The following ATF7IP variants were observed in gnomAD, a reference collection of about 807,000 sequenced individuals.
ATF7IP encodes the protein activating transcription factor 7-interacting protein 1.
A neutral mutation model predicts 106.4 loss-of-function variants in ATF7IP; 23 were observed. That is an observed-to-expected ratio of 0.22 (90% CI 0.16 to 0.31). The LOEUF (loss-of-function observed/expected upper bound fraction) is 0.31, where lower values mean the gene tolerates loss of function less well. Ranked by LOEUF, ATF7IP falls within the 10% of genes least tolerant of loss-of-function variation. The pLI is 1.00. For missense variants in ATF7IP, 1,334 were observed against 1,524.3 expected (o/e 0.88, Z 2.08); for synonymous variants, 542 against 539.0 (o/e 1.01, Z -0.08).
At chr12:14,402,127 C>CTTTTTTTTTTTTT (rs11297116) in intron 1 of ATF7IP, among the ~76,000 whole-genome samples, 5 of 101,870 alleles carry the variant, frequency 4.9e-5, no homozygotes, top group Non-Finnish European at 5.8e-5. Context: ...TTTCTTCTTT[C>CTTTTTTTTTTTTT]TTTTTTTTTT....
Position 14,498,913 on chromosome 12 carries a change from C to G in ATF7IP, c.*840C>G, listed in dbSNP as rs1032251024. On this transcript the variant is annotated 3_prime_UTR_variant, in exon 15 of 15. Transcript: ENST00000261168. Reference sequence around the variant, plus strand: ...CCAGGCTAGAGTGCGGTGGCACAATCTTGGCTCACTGCAACCTCTGCCTCC... The same window carrying G: ...CCAGGCTAGAGTGCGGTGGCACAATGTTGGCTCACTGCAACCTCTGCCTCC... The G allele has an allele frequency of 6.6e-6, 1 of 152,108 alleles. No homozygotes were observed. Among genetic ancestry groups the G allele is most frequent in the African/African-American group, 2.4e-5 (1 of 41,220 alleles). 9.4% of individuals were successfully genotyped at this position (152,108 alleles called of 1,614,324 possible).
In ATF7IP at chr12:14,436,183, G is replaced by A; in HGVS notation, c.1723G>A (p.Glu575Lys). ...VQSKRRRYMEEEYEAEFQVKI... is the reference protein window; with the variant it reads ...VQSKRRRYMEKEYEAEFQVKI... ...GTCTAAACGTCGTCGATATATGGAA[G>A]AAGAATATGAGGCAGAATTTCAAGT... Residue 575 changes from glutamate (E) to lysine (K), a missense_variant, in exon 4 of 15, where the codon GAA (glutamate) becomes AAA (lysine). Coordinates refer to ENST00000261168, the MANE Select transcript of ATF7IP (RefSeq NM_018179.5). 1 of 1,613,722 alleles carries A rather than the reference G, an allele frequency of 6.2e-7. No homozygotes were observed. Among genetic ancestry groups the A allele is most frequent in the South Asian group, 1.1e-5 (1 of 91,066 alleles).
chr12:14,390,705 A>G (rs1591777071), intron 1 of ATF7IP, among the ~76,000 whole-genome samples: 1 of 152,264 alleles, frequency 6.6e-6, no homozygotes, highest in Admixed American at 6.5e-5. Context: ...CGTACACTAG[A>G]TTAGATAATG....
intron 1 of ATF7IP, chr12:14,369,005 A>T (rs1170918448): frequency 6.6e-6 from 1 of 151,698 alleles, no homozygotes; most frequent in Non-Finnish European, 1.5e-5. Context: ...GCTAAAGTGC[A>T]GTGGCAGTGA....
intron 1 of ATF7IP, chr12:14,385,067 G>C (rs184984703): frequency 3.8e-6 from 1 of 261,148 alleles, no homozygotes. Context: ...ATTGCAAGAC[G>C]GGATTCACAG....
chr12:14,423,212 T>G (rs759983007), intron 1 of ATF7IP, among the ~76,000 whole-genome samples: 2 of 152,180 alleles, frequency 1.3e-5, no homozygotes, highest in Non-Finnish European at 2.9e-5. Flanking sequence ...CCTTTGACCA[T>G]TTTTAAATTG....
At chr12:14,387,344 T>C (rs1939295338) in intron 1 of ATF7IP, among the ~76,000 whole-genome samples, 1 of 152,126 alleles carries the variant, frequency 6.6e-6, no homozygotes, top group African/African-American at 2.4e-5. Context: ...TTTCATGCCT[T>C]TTAATAGTAA....
chr12:14,479,964 C>T (rs1317251719), intron 12 of ATF7IP, among the ~76,000 whole-genome samples: 3 of 152,156 alleles, frequency 2.0e-5, no homozygotes, highest in Middle Eastern at 3.4e-3. Flanking sequence ...ATTATTCAAA[C>T]CCATGGGCAG....
At chr12:14,473,076 G>T (rs1159702634) in intron 10 of ATF7IP, among the ~76,000 whole-genome samples, 1 of 151,968 alleles carries the variant, frequency 6.6e-6, no homozygotes, top group African/African-American at 2.4e-5. Context: ...CTACATTTTG[G>T]TCGGAGTTTT....
intron 6 of ATF7IP, among the ~76,000 whole-genome samples, chr12:14,454,599 C>T (rs1237024010): frequency 6.6e-6 from 1 of 152,106 alleles, no homozygotes; most frequent in Non-Finnish European, 1.5e-5. Flanking sequence ...CTAACTGTTC[C>T]AGTGTGCCTC....
At chr12:14,422,154 A>T (rs919730721) in intron 1 of ATF7IP, among the ~76,000 whole-genome samples, 2 of 152,172 alleles carry the variant, frequency 1.3e-5, no homozygotes, top group Non-Finnish European at 2.9e-5. Context: ...AGCTCTTTCC[A>T]AGAAAAAGTA....
chr12:14,384,192 T>G (rs1045358599), intron 1 of ATF7IP, among the ~76,000 whole-genome samples: 9 of 152,112 alleles, frequency 5.9e-5, no homozygotes, highest in African/African-American at 2.2e-4. Context: ...CTTAAAACTT[T>G]TTAGTAAATA....
Position 14,431,318 on chromosome 12 carries a change from A to G in ATF7IP, c.1559-3019A>G, listed in dbSNP as rs151086883. On this transcript the variant is annotated intron_variant, in intron 2 of 14. Coordinates refer to ENST00000261168, the MANE Select transcript of ATF7IP (RefSeq NM_018179.5). ...AAACTTGCCAAATTGTGATAAGGCT[A>G]TAGCCTTATCCTCAAGAAAATCAAA... Among the ~76,000 whole-genome samples, 605 of 152,262 alleles carry G rather than the reference A, an allele frequency of 4.0e-3. 4 individuals are homozygous for G. Among genetic ancestry groups the G allele is most frequent in the Middle Eastern group, 6.8e-3 (2 of 294 alleles).
intron 5 of ATF7IP, among the ~76,000 whole-genome samples, chr12:14,442,753 A>G (rs892728512): frequency 1.3e-5 from 2 of 152,250 alleles, no homozygotes; most frequent in Non-Finnish European, 1.5e-5. Flanking sequence ...TAAAATAAAT[A>G]CAAATAAACT....
intron 4 of ATF7IP, among the ~76,000 whole-genome samples, chr12:14,437,049 CAG>C (rs1324918035): frequency 1.3e-5 from 2 of 152,044 alleles, no homozygotes; most frequent in Admixed American, 6.6e-5. Context: ...GTGGTAGAGA[CAG>C]GGTGTTAAAA....
intron 9 of ATF7IP, among the ~76,000 whole-genome samples, chr12:14,462,792 A>G (rs1467883085): frequency 6.6e-6 from 1 of 151,972 alleles, no homozygotes; most frequent in African/African-American, 2.4e-5. Context: ...TAGCATTCTG[A>G]GATAATGCAC....
chr12:14,462,332 T>C (rs1943673575), intron 9 of ATF7IP, among the ~76,000 whole-genome samples: 1 of 152,086 alleles, frequency 6.6e-6, no homozygotes, highest in African/African-American at 2.4e-5. Flanking sequence ...TCAGTGGACA[T>C]ACAAGATTTT....
chr12:14,463,381 A>G (rs191079485), intron 9 of ATF7IP, among the ~76,000 whole-genome samples: 2 of 152,260 alleles, frequency 1.3e-5, no homozygotes, highest in East Asian at 3.9e-4. Context: ...AACTATAGCT[A>G]ATTTCATTCA....
At position 14,469,164 on chromosome 12, in the gene ATF7IP, A is replaced by T. The variant is rs528220408; in HGVS notation, c.2862+2574A>T. Among the ~76,000 whole-genome samples the T allele has an allele frequency of 2.3e-4, 35 of 152,226 alleles. No individual in the cohort carries two copies. The East Asian group carries it at 6.6e-3, about 29-fold the overall frequency. On this transcript the variant is annotated intron_variant, in intron 10 of 14. Coordinates refer to ENST00000261168, the MANE Select transcript of ATF7IP (RefSeq NM_018179.5). Reference sequence around the variant, plus strand: ...GACGGGCAGATCACTTGAGGTCAGGAGTTCGAGACCAGGCTGGCCAACATG... The same window carrying T: ...GACGGGCAGATCACTTGAGGTCAGGTGTTCGAGACCAGGCTGGCCAACATG...
Sources: allele counts gnomAD v4.1 joint callset (sites outside exome capture counted in the v4.1 genomes callset), GRCh38; gene constraint gnomAD v4.1.1; transcripts MANE v1.5; gene names NCBI Gene and HGNC (gene_info 2026-07-23, HGNC 2026-07-21).